The following SEM1 variants were observed in gnomAD, a reference collection of about 807,000 sequenced individuals.
The protein encoded by SEM1 is 26S proteasome complex subunit SEM1.
Under a neutral mutation model 12.7 loss-of-function variants are expected in SEM1, and 3 were observed. That is an observed-to-expected ratio of 0.24 (90% CI 0.11 to 0.61). The LOEUF is 0.61. SEM1 is among the 20% of genes least tolerant of loss of function. The probability of loss-of-function intolerance (pLI) is 0.88; values close to 1 mark genes in which losing one functional copy is unlikely to be tolerated. For synonymous variants in SEM1, 30 were observed against 27.8 expected (o/e 1.08, Z -0.25); for missense variants, 59 against 81.3 (o/e 0.73, Z 1.06).
intron 2 of SEM1, among the ~76,000 whole-genome samples, chr7:96,537,706 G>A (rs1417937634): frequency 4.0e-5 from 6 of 151,582 alleles, no homozygotes; most frequent in Non-Finnish European, 8.9e-5. Flanking sequence ...TTTGCTGCAG[G>A]TTGATTATGA....
chr7:96,702,554 A>G (rs1790302695), intron 1 of SEM1, among the ~76,000 whole-genome samples: 1 of 152,238 alleles, frequency 6.6e-6, no homozygotes, highest in African/African-American at 2.4e-5. Context: ...GAGAATCCAA[A>G]TAATAGTTAC....
chr7:96,683,645 T>C (rs1225569436), intron 2 of SEM1, among the ~76,000 whole-genome samples: 1 of 152,106 alleles, frequency 6.6e-6, no homozygotes, highest in African/African-American at 2.4e-5. Context: ...TGGCCATCAA[T>C]GATAGACTGG....
chr7:96,541,446 T>TTG, intron 2 of SEM1, among the ~76,000 whole-genome samples: 1 of 141,500 alleles, frequency 7.1e-6, no homozygotes, highest in Admixed American at 6.9e-5. Flanking sequence ...TTTTTTTGTT[T>TTG]TTTTTTTTTT....
At chr7:96,613,888 A>G (rs1807622318) in intron 2 of SEM1, among the ~76,000 whole-genome samples, 1 of 152,236 alleles carries the variant, frequency 6.6e-6, no homozygotes, top group Non-Finnish European at 1.5e-5. Context: ...CCTGCTTTTT[A>G]AAGGATGAAT....
intron 2 of SEM1, among the ~76,000 whole-genome samples, chr7:96,528,261 T>C (rs1389216580): frequency 6.6e-6 from 1 of 152,128 alleles, no homozygotes; most frequent in Non-Finnish European, 1.5e-5. Flanking sequence ...TGGCGTGATC[T>C]CAGCTCACTT....
At chr7:96,637,508 T>C (rs141284809) in intron 2 of SEM1, among the ~76,000 whole-genome samples, 5 of 152,226 alleles carry the variant, frequency 3.3e-5, no homozygotes, top group East Asian at 3.9e-4. Context: ...TAGAAAGTCC[T>C]GCTTTTATGC....
exon 4 of SEM1, chr7:96,481,739 T>C (rs1024308844): frequency 6.6e-6 from 1 of 152,158 alleles, no homozygotes; most frequent in Non-Finnish European, 1.5e-5. Context: ...TATATGAACA[T>C]TTTAATTAAA....
intron 2 of SEM1, among the ~76,000 whole-genome samples, chr7:96,573,173 A>G (rs561984101): frequency 4.0e-5 from 6 of 148,742 alleles, no homozygotes; most frequent in African/African-American, 1.5e-4. Context: ...TTTTGAGCCT[A>G]TATGTGCCTT....
At chr7:96,514,943 G>T (rs1804043369) in intron 2 of SEM1, among the ~76,000 whole-genome samples, 1 of 151,940 alleles carries the variant, frequency 6.6e-6, no homozygotes, top group East Asian at 1.9e-4. Context: ...AAAGACCCAG[G>T]ATACACAACA....
upstream of SEM1, among the ~76,000 whole-genome samples, chr7:96,498,315 A>G (rs1384633107): frequency 6.6e-6 from 1 of 152,174 alleles, no homozygotes; most frequent in Non-Finnish European, 1.5e-5. Flanking sequence ...TGAAATTCGT[A>G]GAGAATCTCA....
intron 2 of SEM1, among the ~76,000 whole-genome samples, chr7:96,577,870 A>C (rs537824117): frequency 1.3e-5 from 2 of 152,162 alleles, no homozygotes; most frequent in African/African-American, 2.4e-5. Context: ...GAAAAAAAAA[A>C]CACCACCAAT....
chr7:96,628,005 T>G (rs143006065), intron 2 of SEM1, among the ~76,000 whole-genome samples: 4 of 152,252 alleles, frequency 2.6e-5, no homozygotes, highest in Admixed American at 6.5e-5. Context: ...AATTGACCCC[T>G]TTATCATTAT....
intron 2 of SEM1, among the ~76,000 whole-genome samples, chr7:96,625,356 T>G (rs748513207): frequency 5.3e-4 from 81 of 152,156 alleles, no homozygotes; most frequent in Non-Finnish European, 1.0e-3. Flanking sequence ...ACCAAACATG[T>G]GCAAGACCAG....
At chr7:96,553,336 T>G (rs1169413506) in intron 2 of SEM1, among the ~76,000 whole-genome samples, 1 of 151,700 alleles carries the variant, frequency 6.6e-6, no homozygotes, top group Non-Finnish European at 1.5e-5. Flanking sequence ...AGGTCTAACA[T>G]TTAAGTCTTT....
chr7:96,696,835 T>C (rs1162422340), intron 1 of SEM1: 5 of 152,030 alleles, frequency 3.3e-5, no homozygotes, highest in Non-Finnish European at 5.9e-5. Context: ...CTGTAACTAT[T>C]GTAATCTCTG....
intron 2 of SEM1, among the ~76,000 whole-genome samples, chr7:96,617,282 C>A (rs914650687): frequency 2.0e-5 from 3 of 151,944 alleles, no homozygotes; most frequent in African/African-American, 7.3e-5. Flanking sequence ...TAAATCTATT[C>A]CTAGGTATTT....
intron 2 of SEM1, among the ~76,000 whole-genome samples, chr7:96,680,893 T>C (rs1039534088): frequency 6.6e-6 from 1 of 152,116 alleles, no homozygotes; most frequent in African/African-American, 2.4e-5. Context: ...GCTATTGCAA[T>C]GCAACAGCAG....
chr7:96,484,164 T>C (rs1298428123), intron 3 of SEM1, among the ~76,000 whole-genome samples: 1 of 152,146 alleles, frequency 6.6e-6, no homozygotes, highest in Non-Finnish European at 1.5e-5. Context: ...AGATAGCTAG[T>C]AAGTGGCAAT....
chr7:96,653,813 TA>T (rs971252608), intron 2 of SEM1: 10 of 152,340 alleles, frequency 6.6e-5, no homozygotes, highest in African/African-American at 2.4e-4. Flanking sequence ...ATCCTCCACC[TA>T]ACAACACAGT....
Sources: gnomAD v4.1 joint callset for allele counts (sites outside exome capture counted in the v4.1 genomes callset) on GRCh38, gnomAD v4.1.1 for gene constraint, MANE v1.5 for transcripts, NCBI Gene and HGNC (gene_info 2026-07-23, HGNC 2026-07-21) for gene names.